Variants in KDM1A observed in about 807,000 individuals in gnomAD.
KDM1A encodes the protein lysine demethylase 1A.
In KDM1A, 49 loss-of-function variants were observed where a neutral mutation model predicts 109.4. That is an observed-to-expected ratio of 0.45 (90% CI 0.36 to 0.57). KDM1A has a LOEUF of 0.57. Ranked by LOEUF, KDM1A falls within the 20% of genes least tolerant of loss-of-function variation. KDM1A has a pLI of 0.00. For synonymous variants in KDM1A, 380 were observed against 415.4 expected, an observed-to-expected ratio of 0.91 and a Z score of 1.04; for missense variants, 668 against 1,116.6, an observed-to-expected ratio of 0.60 and a Z score of 5.73.
intron 14 of KDM1A, among the ~76,000 whole-genome samples, chr1:23,072,695 G>A (rs539888832): frequency 6.6e-6 from 1 of 152,246 alleles, no homozygotes; most frequent in Admixed American, 6.5e-5. Flanking sequence ...GCCCAGGCTG[G>A]AGTGCAATGA....
At chr1:23,042,484 GCT>G (rs1642375214) in intron 2 of KDM1A, among the ~76,000 whole-genome samples, 1 of 88,644 alleles carries the variant, frequency 1.1e-5, no homozygotes, top group African/African-American at 4.3e-5. Context: ...ACGGAGTCTC[GCT>G]CTGTCGCCCA....
Position 23,082,375 on chromosome 1 carries a change from C to A in KDM1A, c.2445+9C>A. The stretch of plus-strand genomic sequence containing the variant: ...TTCCAGGTGCCCCACAGGTGAGAAG[C>A]TGGCAAACTATCTGGGCTTATTTGG... On this transcript the variant is annotated intron_variant, in intron 20 of 20. Transcript: ENST00000400181. 2.5e-6 allele frequency: 4 copies of A among 1,608,982 alleles called. No individual in the cohort carries two copies. Among genetic ancestry groups the A allele is most frequent in the Non-Finnish European group, 3.4e-6 (4 of 1,177,150 alleles).
At chr1:23,034,663 A>G (rs1642089753) in intron 2 of KDM1A, among the ~76,000 whole-genome samples, 1 of 152,130 alleles carries the variant, frequency 6.6e-6, no homozygotes, top group African/African-American at 2.4e-5. Flanking sequence ...TCAGCAGTCA[A>G]ATTTTACCAG....
intron 9 of KDM1A, among the ~76,000 whole-genome samples, chr1:23,062,897 A>G (rs895786490): frequency 3.3e-4 from 51 of 152,316 alleles, no homozygotes; most frequent in African/African-American, 1.2e-3. Flanking sequence ...CTAGTATAGC[A>G]GCTGCCTTCA....
At chr1:23,064,523 C>G (rs894113930) in intron 9 of KDM1A, among the ~76,000 whole-genome samples, 2 of 152,188 alleles carry the variant, frequency 1.3e-5, no homozygotes, top group Non-Finnish European at 2.9e-5. Context: ...CTGCATTTAA[C>G]TCCATTCTGC....
chr1:23,026,117 C>T (rs1641792776), intron 1 of KDM1A, among the ~76,000 whole-genome samples: 1 of 151,908 alleles, frequency 6.6e-6, no homozygotes. Context: ...ATAAAAAAGG[C>T]AGTTTGAATA....
Position 23,081,522 on chromosome 1 carries a change from C to T in KDM1A, c.2247C>T (p.Gly749=), listed in dbSNP as rs1643621258. 1 of 1,614,102 alleles carries T rather than the reference C, an allele frequency of 6.2e-7. No individual in the cohort carries two copies. Among genetic ancestry groups the T allele is most frequent in the Non-Finnish European group, 8.5e-7 (1 of 1,179,986 alleles). ...MENISDDVIV[G]RCLAILKGIF... The stretch of plus-strand genomic sequence containing the variant: ...ACATAAGTGACGATGTGATTGTTGG[C>T]CGATGCCTGGCCATTCTCAAAGGGA... Residue 749 remains glycine (G), a synonymous_variant, in exon 19 of 21, where the codon GGC becomes GGT. Coordinates refer to ENST00000400181, the MANE Select transcript of KDM1A (RefSeq NM_001009999.3).
chr1:23,050,314 A>G, intron 3 of KDM1A, 73 bp from the exon 4 acceptor site: 1 of 1,465,898 alleles, frequency 6.8e-7, no homozygotes, highest in East Asian at 2.5e-5. Flanking sequence ...GAGGCAAAGG[A>G]ATTTAAGCGT....
chr1:23,080,888 A>G (rs1197413625), intron 18 of KDM1A: 1 of 152,354 alleles, frequency 6.6e-6, no homozygotes, highest in African/African-American at 2.4e-5. Flanking sequence ...TTTTAAGTTA[A>G]TAATTGTCTG....
chr1:23,033,080 AG>A (rs1642037936), intron 2 of KDM1A, among the ~76,000 whole-genome samples: 1 of 152,146 alleles, frequency 6.6e-6, no homozygotes, highest in South Asian at 2.1e-4. Flanking sequence ...CATTTTTAGT[AG>A]AGACAGGGTT....
intron 2 of KDM1A, among the ~76,000 whole-genome samples, chr1:23,038,074 A>G (rs1394367024): frequency 6.6e-6 from 1 of 152,224 alleles, no homozygotes; most frequent in Non-Finnish European, 1.5e-5. Flanking sequence ...TGTATTTATT[A>G]AGCAGAGTTG....
chr1:23,082,943 A>G (rs1643665139), intron 20 of KDM1A: 2 of 422,402 alleles, frequency 4.7e-6, no homozygotes, highest in Non-Finnish European at 8.7e-6. Flanking sequence ...TGATGAGAAC[A>G]CATGTTAAGC....
At chr1:23,058,614 T>G (rs1324547541) in intron 8 of KDM1A, among the ~76,000 whole-genome samples, 1 of 152,148 alleles carries the variant, frequency 6.6e-6, no homozygotes, top group East Asian at 1.9e-4. Context: ...TTCCAGAAGG[T>G]TGAGGTTGTG....
Position 23,044,282 on chromosome 1 carries a change from C to T in KDM1A, c.518-145C>T, listed in dbSNP as rs878958900. ...AAGACTATGATGTAATTCCCTGGGC[C>T]TTGATTCCAGAAGAAGGAGCTCTCT... On this transcript the variant is annotated intron_variant, in intron 2 of 20. Transcript: ENST00000400181. 4.3e-6 allele frequency: 3 copies of T among 691,190 alleles called. No individual in the cohort carries two copies. In the Admixed American group the frequency reaches 7.2e-5, roughly 17 times the overall value. 42.8% of individuals were successfully genotyped at this position (691,190 alleles called of 1,614,324 possible).
At chr1:23,064,589 G>C (rs1643108764) in intron 9 of KDM1A, among the ~76,000 whole-genome samples, 1 of 152,220 alleles carries the variant, frequency 6.6e-6, no homozygotes, top group Non-Finnish European at 1.5e-5. Context: ...CAATGTTTCT[G>C]AAGACCTAAA....
intron 1 of KDM1A, among the ~76,000 whole-genome samples, chr1:23,022,648 CTTTTTTT>C (rs58124287): frequency 2.7e-5 from 1 of 36,814 alleles, no homozygotes; most frequent in Non-Finnish European, 4.6e-5. Flanking sequence ...CCTTCTTCTT[CTTTTTTT>C]TTTTTTTTTT....
intron 1 of KDM1A, among the ~76,000 whole-genome samples, chr1:23,025,424 G>A (rs897781134): frequency 1.3e-5 from 2 of 151,094 alleles, no homozygotes; most frequent in Admixed American, 6.6e-5. Context: ...TCCACCTCCC[G>A]GGTTCAAGCA....
At chr1:23,071,934 C>T (rs2124518868) in intron 13 of KDM1A, among the ~76,000 whole-genome samples, 190 bp from the exon 14 acceptor site, 1 of 152,080 alleles carries the variant, frequency 6.6e-6, no homozygotes, top group African/African-American at 2.4e-5. Flanking sequence ...TATTCCAGGC[C>T]CCCAACTGTA....
intron 7 of KDM1A, 145 bp downstream of exon 7, chr1:23,056,183 A>G (rs1265979359): frequency 1.2e-5 from 6 of 512,638 alleles, no homozygotes; most frequent in Non-Finnish European, 2.0e-5. Context: ...AGTGTTATTT[A>G]TATTTTTAAA....
Sources: allele counts gnomAD v4.1 joint callset (sites outside exome capture counted in the v4.1 genomes callset), GRCh38; gene constraint gnomAD v4.1.1; transcripts MANE v1.5; gene names NCBI Gene and HGNC (gene_info 2026-07-23, HGNC 2026-07-21).